The following SDHAF3 variants were observed in gnomAD, a reference collection of about 807,000 sequenced individuals.
The protein encoded by SDHAF3 is succinate dehydrogenase assembly factor 3, mitochondrial.
In SDHAF3, 18 loss-of-function variants were observed where a neutral mutation model predicts 11.5. The observed-to-expected ratio is 1.56, with a 90% CI of 1.08 to 2.32. The LOEUF (loss-of-function observed/expected upper bound fraction) is 2.32. Ranked by LOEUF, SDHAF3 falls within the 30% of genes most tolerant of loss-of-function variation. SDHAF3 has a pLI of 0.00. For missense variants in SDHAF3, 200 were observed against 154.4 expected (o/e 1.30, Z -1.57); for synonymous variants, 72 against 59.3 (o/e 1.21, Z -0.99).
chr7:97,157,910 A>C (rs1332177125), intron 1 of SDHAF3, among the ~76,000 whole-genome samples: 1 of 148,160 alleles, frequency 6.7e-6, no homozygotes, highest in Admixed American at 6.8e-5. Flanking sequence ...TGGGAATTGA[A>C]CAATGAGAAC....
At chr7:97,122,162 G>A (rs971906037) in intron 1 of SDHAF3, among the ~76,000 whole-genome samples, 2 of 152,154 alleles carry the variant, frequency 1.3e-5, no homozygotes, top group Non-Finnish European at 2.9e-5. Flanking sequence ...GGCCGAAACA[G>A]TATGACTTTT....
intron 1 of SDHAF3, among the ~76,000 whole-genome samples, chr7:97,127,426 C>T (rs999890012): frequency 3.9e-5 from 6 of 152,012 alleles, no homozygotes; most frequent in Non-Finnish European, 5.9e-5. Flanking sequence ...TGCATTTGTT[C>T]GAGAGGAGGA....
At chr7:97,161,681 T>C (rs1789413802) in intron 1 of SDHAF3, among the ~76,000 whole-genome samples, 1 of 152,046 alleles carries the variant, frequency 6.6e-6, no homozygotes, top group East Asian at 1.9e-4. Context: ...TGAGAACATG[T>C]GGTGTTTGGT....
intron 1 of SDHAF3, among the ~76,000 whole-genome samples, chr7:97,130,867 G>A (rs780922462): frequency 1.3e-4 from 20 of 152,242 alleles, no homozygotes; most frequent in Non-Finnish European, 2.8e-4. Flanking sequence ...ATGGAGGAGT[G>A]TATGCTGATT....
At chr7:97,168,032 T>C (rs2115732725) in intron 1 of SDHAF3, among the ~76,000 whole-genome samples, 2 of 152,280 alleles carry the variant, frequency 1.3e-5, no homozygotes, top group East Asian at 3.9e-4. Flanking sequence ...CAGGAATTCA[T>C]GCTTTGTGCA....
chr7:97,174,493 T>A (rs1363972784), intron 1 of SDHAF3, among the ~76,000 whole-genome samples: 3 of 152,340 alleles, frequency 2.0e-5, no homozygotes, highest in Non-Finnish European at 4.4e-5. Flanking sequence ...ATTGTTTCTT[T>A]CTGTTCCAGG....
intron 1 of SDHAF3, among the ~76,000 whole-genome samples, chr7:97,146,968 C>G (rs943262252): frequency 2.0e-5 from 3 of 152,064 alleles, no homozygotes; most frequent in African/African-American, 7.2e-5. Flanking sequence ...GTCTTGATCT[C>G]CTGACCTCGT....
intron 1 of SDHAF3, among the ~76,000 whole-genome samples, chr7:97,172,744 A>G (rs958797908): frequency 6.6e-6 from 1 of 152,238 alleles, no homozygotes; most frequent in African/African-American, 2.4e-5. Context: ...TTTGATGAGG[A>G]AATTACTGTG....
chr7:97,156,522 A>G (rs986416633), intron 1 of SDHAF3, among the ~76,000 whole-genome samples: 7 of 152,142 alleles, frequency 4.6e-5, no homozygotes, highest in Non-Finnish European at 7.4e-5. Flanking sequence ...TTATCTGTCC[A>G]TTTTAGGGGT....
intron 1 of SDHAF3, among the ~76,000 whole-genome samples, chr7:97,173,462 C>G (rs1407041717): frequency 6.6e-6 from 1 of 151,908 alleles, no homozygotes; most frequent in Admixed American, 6.6e-5. Flanking sequence ...ATTTTTAAAT[C>G]ACAAACATAA....
intron 1 of SDHAF3, among the ~76,000 whole-genome samples, chr7:97,163,210 C>T (rs1243919337): frequency 1.5e-5 from 2 of 133,156 alleles, no homozygotes; most frequent in African/African-American, 2.8e-5. Context: ...AGTGAAATCT[C>T]GGCTCACTGC....
At chr7:97,133,570 T>A (rs1791701900) in intron 1 of SDHAF3, among the ~76,000 whole-genome samples, 1 of 152,208 alleles carries the variant, frequency 6.6e-6, no homozygotes, top group Admixed American at 6.5e-5. Context: ...TCCTTTATTT[T>A]TAGGTTTACC....
chr7:97,140,148 C>A (rs1584216469), intron 1 of SDHAF3, among the ~76,000 whole-genome samples: 1 of 152,204 alleles, frequency 6.6e-6, no homozygotes, highest in Admixed American at 6.5e-5. Context: ...CTGAAAGTGG[C>A]CTCAAGTTGT....
At position 97,151,957 on chromosome 7, in the gene SDHAF3, C is replaced by T. The variant is rs574891118; in HGVS notation, c.175-29055C>T. Reference sequence around the variant, plus strand: ...TACTTTGGGGTATCATTTTCTGAGCCCCAATACTACATTGACACATTAAGA... The same window carrying T: ...TACTTTGGGGTATCATTTTCTGAGCTCCAATACTACATTGACACATTAAGA... On this transcript the variant is annotated intron_variant, in intron 1 of 1. Transcript: ENST00000432641. Among the ~76,000 whole-genome samples the T allele has an allele frequency of 2.1e-4, 32 of 152,148 alleles. No individual in the cohort carries two copies. In the South Asian group the frequency reaches 6.6e-3, roughly 32 times the overall value.
At chr7:97,143,550 C>A (rs182778103) in intron 1 of SDHAF3, among the ~76,000 whole-genome samples, 1 of 152,216 alleles carries the variant, frequency 6.6e-6, no homozygotes, top group East Asian at 1.9e-4. Context: ...TGAGAACATA[C>A]AATATTTGTT....
At chr7:97,139,314 C>T (rs1788991013) in intron 1 of SDHAF3, among the ~76,000 whole-genome samples, 1 of 152,210 alleles carries the variant, frequency 6.6e-6, no homozygotes, top group Non-Finnish European at 1.5e-5. Context: ...TAGTCCCCCA[C>T]ACCCGGAGAT....
At chr7:97,160,424 G>A (rs1364761364) in intron 1 of SDHAF3, among the ~76,000 whole-genome samples, 2 of 152,036 alleles carry the variant, frequency 1.3e-5, no homozygotes, top group Non-Finnish European at 2.9e-5. Context: ...CATCGAGAAC[G>A]GGCCATGACG....
chr7:97,156,663 C>T (rs974040509), intron 1 of SDHAF3, among the ~76,000 whole-genome samples: 3 of 152,124 alleles, frequency 2.0e-5, no homozygotes, highest in Non-Finnish European at 4.4e-5. Flanking sequence ...TGCAGGGGAA[C>T]AGGAGAACTT....
At chr7:97,139,092 G>A (rs1441994619) in intron 1 of SDHAF3, among the ~76,000 whole-genome samples, 1 of 152,264 alleles carries the variant, frequency 6.6e-6, no homozygotes, top group Non-Finnish European at 1.5e-5. Flanking sequence ...ACTGCATGGG[G>A]GCGCTGCCCG....
Sources: allele counts gnomAD v4.1 joint callset (sites outside exome capture counted in the v4.1 genomes callset), GRCh38; gene constraint gnomAD v4.1.1; transcripts MANE v1.5; gene names NCBI Gene and HGNC (gene_info 2026-07-23, HGNC 2026-07-21).